The following PGGT1B variants were observed in gnomAD, a reference collection of about 807,000 sequenced individuals.
PGGT1B encodes protein geranylgeranyltransferase type I subunit beta.
Under a neutral mutation model 46.1 loss-of-function variants are expected in PGGT1B, and 30 were observed. The ratio of observed to expected loss-of-function variants is 0.65; its 90% CI spans 0.49 to 0.88. The LOEUF is 0.88. PGGT1B is among the 40% of genes least tolerant of loss of function. PGGT1B has a pLI of 0.00. For missense variants in PGGT1B, 376 were observed against 455.9 expected, an observed-to-expected ratio of 0.82 and a Z score of 1.60; for synonymous variants, 170 against 160.0, an observed-to-expected ratio of 1.06 and a Z score of -0.47.
chr5:115,250,330 A>C (rs911536527), intron 2 of PGGT1B, among the ~76,000 whole-genome samples: 8 of 152,324 alleles, frequency 5.3e-5, no homozygotes, highest in African/African-American at 1.9e-4. Context: ...TCCTAGGCTA[A>C]ATGTGAAAAT....
intron 2 of PGGT1B, among the ~76,000 whole-genome samples, chr5:115,249,180 T>C (rs2127024806): frequency 6.6e-6 from 1 of 152,180 alleles, no homozygotes; most frequent in South Asian, 2.1e-4. Context: ...ATGTATCCTT[T>C]CTGAGTTTTT....
At chr5:115,252,105 T>C (rs892490131) in intron 2 of PGGT1B, among the ~76,000 whole-genome samples, 15 of 152,124 alleles carry the variant, frequency 9.9e-5, no homozygotes, top group Non-Finnish European at 2.1e-4. Context: ...CAATAAATCC[T>C]ACTCATCAAC....
Position 115,212,134 on chromosome 5 carries a change from C to G in PGGT1B, c.*268G>C, listed in dbSNP as rs1327775495. On this transcript the variant is annotated 3_prime_UTR_variant, in exon 9 of 9. Coordinates refer to ENST00000419445, the MANE Select transcript of PGGT1B (RefSeq NM_005023.4). ...TTTAAAAAGATAACCTACACACATA[C>G]AGTTAATTTGCCTCAAACAACTTCT... is the stretch of plus-strand genomic sequence containing the variant. 2.5e-6 allele frequency: 1 copy of G among 397,130 alleles called. No individual in the cohort carries two copies. The highest frequency in any genetic ancestry group is 2.1e-5 in the African/African-American group (1 of 47,658). 24.6% of individuals were successfully genotyped at this position (397,130 alleles called of 1,614,324 possible).
rs1756150820 is a variant in PGGT1B at position 115,209,248 on chromosome 5, G to A, written c.*3154C>T. On this transcript the variant is annotated 3_prime_UTR_variant, in exon 9 of 9. Transcript: ENST00000419445. ...GCCCATTTGGATTCTAATTCTAGAA[G>A]TTTGTCCTCAGTGCTGGGCTTTGTC... 6.6e-6 allele frequency: 1 copy of A among 152,076 alleles called. No homozygotes were observed. Among genetic ancestry groups the A allele is most frequent in the East Asian group, 1.9e-4 (1 of 5,202 alleles). 9.4% of individuals were successfully genotyped at this position (152,076 alleles called of 1,614,324 possible).
At chr5:115,242,965 GAA>G (rs10551500) in intron 2 of PGGT1B, among the ~76,000 whole-genome samples, 53,820 of 146,888 alleles carry the variant, frequency 0.37, 10,248 homozygotes, top group Non-Finnish European at 0.45. Flanking sequence ...AAACTGTCTT[GAA>G]AAAAAAAAAA....
intron 7 of PGGT1B, among the ~76,000 whole-genome samples, chr5:115,221,214 C>T (rs1756576514): frequency 6.6e-6 from 1 of 151,136 alleles, no homozygotes; most frequent in Non-Finnish European, 1.5e-5. Context: ...AATATCAGAA[C>T]AAGGTAACAA....
chr5:115,253,405 A>C, intron 1 of PGGT1B, 150 bp from the exon 2 acceptor site: 1 of 558,462 alleles, frequency 1.8e-6, no homozygotes, highest in Non-Finnish European at 3.0e-6. Flanking sequence ...ATATATATAC[A>C]TATTCTTGTA....
In PGGT1B at chr5:115,262,526, C is replaced by G. The variant is rs191059494; in HGVS notation, c.140+186G>C. The stretch of plus-strand genomic sequence containing the variant: ...AGATGCCACAGCCCTCGACCTACAG[C>G]CTTCCAGACCTTCCCACCGTACGGC... On this transcript the variant is annotated intron_variant, in intron 1 of 8. Transcript: ENST00000419445. 1.1e-4 allele frequency: 72 copies of G among 639,676 alleles called. No individual in the cohort carries two copies. The African/African-American group carries it at 1.1e-3, about 10-fold the overall frequency. 39.6% of individuals were successfully genotyped at this position (639,676 alleles called of 1,614,324 possible).
At chr5:115,257,096 C>T (rs987822066) in intron 1 of PGGT1B, among the ~76,000 whole-genome samples, 6 of 152,088 alleles carry the variant, frequency 3.9e-5, no homozygotes, top group African/African-American at 9.7e-5. Flanking sequence ...GTAACATCCC[C>T]CAACCCCCAA....
At chr5:115,246,998 T>C (rs1007587541) in intron 2 of PGGT1B, among the ~76,000 whole-genome samples, 13 of 152,154 alleles carry the variant, frequency 8.5e-5, no homozygotes, top group African/African-American at 2.7e-4. Flanking sequence ...GCAGGAAGTG[T>C]GTTATTAGAA....
At chr5:115,241,067 C>A (rs1757331704) in intron 3 of PGGT1B, among the ~76,000 whole-genome samples, 2 of 152,182 alleles carry the variant, frequency 1.3e-5, no homozygotes, top group African/African-American at 4.8e-5. Context: ...TTAAAATAAT[C>A]ACTACCTAGG....
intron 2 of PGGT1B, among the ~76,000 whole-genome samples, chr5:115,244,090 C>A (rs73255484): frequency 0.013 from 2,037 of 152,252 alleles, 47 homozygotes; most frequent in African/African-American, 0.046. Context: ...CCCATCTACA[C>A]AGTCCCTTCA....
intron 8 of PGGT1B, among the ~76,000 whole-genome samples, chr5:115,214,080 A>C (rs1213351257): frequency 6.6e-6 from 1 of 152,216 alleles, no homozygotes; most frequent in African/African-American, 2.4e-5. Flanking sequence ...AAAACTACAA[A>C]GGGTACAAAG....
At chr5:115,258,653 C>T (rs1241652486) in intron 1 of PGGT1B, among the ~76,000 whole-genome samples, 1 of 152,202 alleles carries the variant, frequency 6.6e-6, no homozygotes, top group Non-Finnish European at 1.5e-5. Flanking sequence ...CAACAAAACA[C>T]TGGAACACAT....
At chr5:115,257,962 T>G (rs966077945) in intron 1 of PGGT1B, among the ~76,000 whole-genome samples, 4 of 152,232 alleles carry the variant, frequency 2.6e-5, no homozygotes, top group African/African-American at 7.2e-5. Flanking sequence ...AAAGACTGCA[T>G]GAATTCTGGA....
intron 6 of PGGT1B, among the ~76,000 whole-genome samples, chr5:115,229,827 C>G (rs1265403160): frequency 6.6e-6 from 1 of 152,080 alleles, no homozygotes; most frequent in Non-Finnish European, 1.5e-5. Flanking sequence ...CACCCTCCAT[C>G]TCATAGAGAC....
rs570949245 is a variant in PGGT1B at position 115,257,720 on chromosome 5, A to G, written c.141-4465T>C. Among the ~76,000 whole-genome samples, 4 of 152,242 alleles carry G rather than the reference A, an allele frequency of 2.6e-5. No homozygotes were observed. The South Asian group carries it at 8.3e-4, about 32-fold the overall frequency. ...CCCCATCCTTTACCAAGTGTCTTAAACAAGTGTCTTAAACAATGGACTACA... is the reference window on the plus strand; with the variant it reads ...CCCCATCCTTTACCAAGTGTCTTAAGCAAGTGTCTTAAACAATGGACTACA... On this transcript the variant is annotated intron_variant, in intron 1 of 8. Transcript: ENST00000419445.
intron 3 of PGGT1B, among the ~76,000 whole-genome samples, chr5:115,239,590 G>C (rs911526899): frequency 2.6e-5 from 4 of 152,176 alleles, no homozygotes; most frequent in African/African-American, 9.7e-5. Flanking sequence ...TTAACCTTAA[G>C]AGCAGAAGAT....
chr5:115,238,195 A>G (rs1757242199), intron 3 of PGGT1B, among the ~76,000 whole-genome samples, 186 bp from the exon 4 acceptor site: 2 of 151,734 alleles, frequency 1.3e-5, no homozygotes, highest in South Asian at 4.2e-4. Flanking sequence ...ATGATTGCAC[A>G]GGCTACTTAA....
Sources: gnomAD v4.1 joint callset for allele counts (sites outside exome capture counted in the v4.1 genomes callset) on GRCh38, gnomAD v4.1.1 for gene constraint, MANE v1.5 for transcripts, NCBI Gene and HGNC (gene_info 2026-07-23, HGNC 2026-07-21) for gene names.